Variants in PALMD observed in about 807,000 individuals in gnomAD.
The protein encoded by PALMD is paralemmin-like protein.
In PALMD, 42 loss-of-function variants were observed where a neutral mutation model predicts 56.2. That is an observed-to-expected ratio of 0.75 (90% confidence interval 0.58 to 0.97). PALMD has a LOEUF of 0.97. Among genes scored for constraint, PALMD ranks in the 50% least tolerant of loss-of-function variants. The pLI is 0.00. For missense variants in PALMD, 660 were observed against 643.8 expected (o/e 1.03, Z -0.27); for synonymous variants, 242 against 222.9 (o/e 1.09, Z -0.76).
chr1:99,662,214 C>CA, intron 1 of PALMD, 105 bp from the exon 2 acceptor site: 1 of 668,870 alleles, frequency 1.5e-6, no homozygotes, highest in Non-Finnish European at 2.6e-6. Flanking sequence ...ACACCAATGC[C>CA]AAAAAAATAT....
At chr1:99,667,190 G>C (rs1426704939) in intron 2 of PALMD, among the ~76,000 whole-genome samples, 1 of 152,096 alleles carries the variant, frequency 6.6e-6, no homozygotes, top group Non-Finnish European at 1.5e-5. Flanking sequence ...GCTCTCACCA[G>C]GGGGAATATC....
At chr1:99,678,738 T>C (rs1361908023) in intron 3 of PALMD, among the ~76,000 whole-genome samples, 2 of 152,068 alleles carry the variant, frequency 1.3e-5, no homozygotes, top group Admixed American at 1.3e-4. Flanking sequence ...AGAGAATCTC[T>C]AGGGGAGAAT....
chr1:99,667,616 C>T lies in PALMD; in HGVS notation c.127-26C>T, dbSNP rs1416542062. ...TGGAAATTATTGACCAATATAAGAA[C>T]ATATCTTTATGTTTCCTGACATCAG... On this transcript the variant is annotated intron_variant, in intron 2 of 7. Coordinates refer to ENST00000263174, the MANE Select transcript of PALMD (RefSeq NM_017734.5). 7.5e-6 allele frequency: 12 copies of T among 1,603,038 alleles called. No individual in the cohort carries two copies. In the Admixed American group the frequency reaches 1.2e-4, roughly 16 times the overall value.
intron 3 of PALMD, among the ~76,000 whole-genome samples, chr1:99,673,135 C>T (rs902797518): frequency 6.6e-6 from 1 of 152,046 alleles, no homozygotes; most frequent in Non-Finnish European, 1.5e-5. Context: ...TCATGTAAAG[C>T]AATAATTTAC....
At chr1:99,679,766 T>C (rs1653297228) in intron 3 of PALMD, among the ~76,000 whole-genome samples, 1 of 152,102 alleles carries the variant, frequency 6.6e-6, no homozygotes, top group Non-Finnish European at 1.5e-5. Context: ...GAGTTAAGAG[T>C]TCAGACTCTG....
intron 1 of PALMD, among the ~76,000 whole-genome samples, chr1:99,655,905 T>C (rs1652713343): frequency 6.6e-6 from 1 of 152,086 alleles, no homozygotes. Flanking sequence ...CTTGTGCCTT[T>C]ATCTTTTTGT....
chr1:99,689,324 A>T lies in PALMD; in HGVS notation c.1064A>T (p.Asn355Ile), dbSNP rs202224668. ...CTAATGACTCCTTGGGAAGAATCGA[A>T]TGTCATGCAGGACAAAGATGCACCC... is the stretch of plus-strand genomic sequence containing the variant. ...KRLMTPWEESNVMQDKDAPSP... is the reference protein window; with the variant it reads ...KRLMTPWEESIVMQDKDAPSP... Residue 355 changes from asparagine (N) to isoleucine (I), a missense_variant, in exon 7 of 8, where the codon AAT (asparagine) becomes ATT (isoleucine). Transcript: ENST00000263174. 1 of 1,613,638 alleles carries T rather than the reference A, an allele frequency of 6.2e-7. No homozygotes were observed. Among genetic ancestry groups the T allele is most frequent in the East Asian group, 2.2e-5 (1 of 44,826 alleles).
Position 99,646,171 on chromosome 1 carries a change from C to G in PALMD, c.-147C>G. On this transcript the variant is annotated 5_prime_UTR_variant, in exon 1 of 8. Transcript: ENST00000263174. ...CTGCTCGGAGACGCTCCTGACAAGT[C>G]GGGAATTTCTCTATTTCTCCACTGG... The G allele has an allele frequency of 5.9e-6, 4 of 672,742 alleles. No individual in the cohort carries two copies. The highest frequency in any genetic ancestry group is 2.7e-6 in the Non-Finnish European group (1 of 376,272). 41.7% of individuals were successfully genotyped at this position (672,742 alleles called of 1,614,324 possible). A position where few individuals can be genotyped will look rare whatever the true frequency, so the allele number is the denominator to read the frequency against.
intron 1 of PALMD, among the ~76,000 whole-genome samples, chr1:99,655,687 T>C (rs935080993): frequency 6.6e-6 from 1 of 152,190 alleles, no homozygotes; most frequent in Non-Finnish European, 1.5e-5. Flanking sequence ...CCCCCTGAAA[T>C]GAAACCCATC....
rs1206722637 is a variant in PALMD, at chr1:99,646,172, G to A, written c.-146G>A. Reference sequence around the variant, plus strand: ...TGCTCGGAGACGCTCCTGACAAGTCGGGAATTTCTCTATTTCTCCACTGGT... The same window carrying A: ...TGCTCGGAGACGCTCCTGACAAGTCAGGAATTTCTCTATTTCTCCACTGGT... On this transcript the variant is annotated 5_prime_UTR_variant, in exon 1 of 8. Coordinates refer to ENST00000263174, the MANE Select transcript of PALMD (RefSeq NM_017734.5). 7 of 676,022 alleles carry A rather than the reference G, an allele frequency of 1.0e-5. No homozygotes were observed. Among genetic ancestry groups the A allele is most frequent in the Non-Finnish European group, 1.9e-5 (7 of 378,350 alleles). The allele number at this position is 676,022 out of a possible 1,614,324, so 41.9% of individuals were successfully genotyped here.
At chr1:99,664,611 A>G (rs114541298) in intron 2 of PALMD, among the ~76,000 whole-genome samples, 1,625 of 152,298 alleles carry the variant, frequency 0.011, 30 homozygotes, top group African/African-American at 0.037. Context: ...AAGTTTTGCA[A>G]AAAATAGTTG....
chr1:99,656,914 C>T (rs1403645632), intron 1 of PALMD, among the ~76,000 whole-genome samples: 1 of 152,186 alleles, frequency 6.6e-6, no homozygotes. Flanking sequence ...AGTGGTTGCC[C>T]TTTGTGCTCC....
intron 3 of PALMD, among the ~76,000 whole-genome samples, chr1:99,680,851 C>CATATAT (rs141553969): frequency 1.3e-5 from 2 of 150,334 alleles, no homozygotes; most frequent in African/African-American, 2.4e-5. Flanking sequence ...TATATATATG[C>CATATAT]ATATATATAT....
intron 7 of PALMD, among the ~76,000 whole-genome samples, chr1:99,693,274 AC>A (rs965866730): frequency 9.9e-5 from 15 of 151,814 alleles, no homozygotes; most frequent in African/African-American, 3.6e-4. Flanking sequence ...GCATCTATCA[AC>A]TTTTGGAACA....
chr1:99,689,098 G>A lies in PALMD; in HGVS notation c.838G>A (p.Gly280Arg). Reference protein sequence around the residue: ...TTPQRETVTPGPNFQERIKIK... With the variant: ...TTPQRETVTPRPNFQERIKIK... ...CCCACAGAGAGAAACGGTGACCCCT[G>A]GACCAAACTTTCAAGAAAGGATAAA... Residue 280 changes from glycine (G) to arginine (R), a missense_variant, in exon 7 of 8, where the codon GGA becomes AGA. By Grantham distance (125) the Gly-to-Arg change is moderately radical. Transcript: ENST00000263174. 1 of 1,613,392 alleles carries A rather than the reference G, an allele frequency of 6.2e-7. No individual in the cohort carries two copies. The highest frequency in any genetic ancestry group is 8.5e-7 in the Non-Finnish European group (1 of 1,179,752).
Position 99,667,621 on chromosome 1 carries a change from CT to C in PALMD, c.127-18del. ...ATTATTGACCAATATAAGAACATAT[CT>C]TTATGTTTCCTGACATCAGAAAAAG... On this transcript the variant is annotated intron_variant, in intron 2 of 7. Coordinates refer to ENST00000263174, the MANE Select transcript of PALMD (RefSeq NM_017734.5). 1 of 1,605,576 alleles carries C rather than the reference CT, an allele frequency of 6.2e-7. No homozygotes were observed. The highest frequency in any genetic ancestry group is 8.5e-7 in the Non-Finnish European group (1 of 1,172,644).
At chr1:99,664,773 A>C (rs758722654) in intron 2 of PALMD, among the ~76,000 whole-genome samples, 1 of 152,186 alleles carries the variant, frequency 6.6e-6, no homozygotes, top group Non-Finnish European at 1.5e-5. Flanking sequence ...CATTCGTCCT[A>C]GTCTTCATGA....
chr1:99,687,405 G>A (rs1032211313), intron 6 of PALMD, among the ~76,000 whole-genome samples: 2 of 152,144 alleles, frequency 1.3e-5, no homozygotes, highest in Non-Finnish European at 1.5e-5. Flanking sequence ...AAACCAGACA[G>A]GGATAAGGAA....
At chr1:99,691,616 TA>T (rs1653653815) in intron 7 of PALMD, among the ~76,000 whole-genome samples, 2 of 152,126 alleles carry the variant, frequency 1.3e-5, no homozygotes, top group African/African-American at 2.4e-5. Context: ...TAAAAATAAG[TA>T]AGTCACAGTG....
Sources: allele counts gnomAD v4.1 joint callset (sites outside exome capture counted in the v4.1 genomes callset), GRCh38; gene constraint gnomAD v4.1.1; transcripts MANE v1.5; gene names NCBI Gene and HGNC (gene_info 2026-07-23, HGNC 2026-07-21).